Variants in LEUTX observed in about 807,000 individuals in gnomAD.
LEUTX encodes the protein paired-like homeodomain transcription factor LEUTX.
A neutral mutation model predicts 4.5 loss-of-function variants in LEUTX; 5 were observed. That is an observed-to-expected ratio of 1.11 (90% CI 0.58 to 2.34). The LOEUF is 2.34. LEUTX is among the 30% of genes most tolerant of loss of function. The pLI is 0.01. For missense variants in LEUTX, 233 were observed against 239.4 expected (o/e 0.97, Z 0.18); for synonymous variants, 89 against 85.1 (o/e 1.05, Z -0.25).
chr19:39,778,663 CTTTT>C (rs34540141), upstream of LEUTX, among the ~76,000 whole-genome samples: 2 of 119,662 alleles, frequency 1.7e-5, no homozygotes, highest in African/African-American at 3.3e-5. Flanking sequence ...AAGGATCAGT[CTTTT>C]TTTTTTTTTT....
chr19:39,776,624 G>T (rs148289253), upstream of LEUTX: 11 of 456,154 alleles, frequency 2.4e-5, no homozygotes, highest in Admixed American at 2.6e-4. Flanking sequence ...TCATGCCTCC[G>T]TGGAACCTGC....
chr19:39,780,340 C>T (rs1253019976), intron 1 of LEUTX, among the ~76,000 whole-genome samples: 1 of 152,126 alleles, frequency 6.6e-6, no homozygotes, highest in Non-Finnish European at 1.5e-5. Context: ...ATTCTAATTA[C>T]CATTCCTTTG....
chr19:39,782,893 T>A (rs1967907835), intron 1 of LEUTX, among the ~76,000 whole-genome samples: 1 of 152,172 alleles, frequency 6.6e-6, no homozygotes. Flanking sequence ...TTTTTTGTAT[T>A]TTCGTAGGCT....
chr19:39,777,630 T>G (rs182042756), upstream of LEUTX, among the ~76,000 whole-genome samples: 1 of 152,186 alleles, frequency 6.6e-6, no homozygotes, highest in Admixed American at 6.5e-5. Context: ...TACCCTTGAC[T>G]GTGTTAGAAG....
At chr19:39,776,519 G>C, upstream of LEUTX, 1 of 441,192 alleles carries the variant, frequency 2.3e-6, no homozygotes, top group Non-Finnish European at 4.5e-6. Context: ...CCTTTGATGA[G>C]AAAGTAGGGA....
chr19:39,779,515 T>C (rs1276234337), intron 1 of LEUTX, among the ~76,000 whole-genome samples: 1 of 152,196 alleles, frequency 6.6e-6, no homozygotes, highest in Non-Finnish European at 1.5e-5. Flanking sequence ...AGTATGTTTT[T>C]TTTCTTGAGG....
At chr19:39,783,352 CATAT>C (rs200989568) in intron 1 of LEUTX, among the ~76,000 whole-genome samples, 2 of 107,756 alleles carry the variant, frequency 1.9e-5, no homozygotes, top group Non-Finnish European at 4.0e-5. Context: ...TATATATATA[CATAT>C]ATATATATAC....
upstream of LEUTX, among the ~76,000 whole-genome samples, chr19:39,778,406 G>A (rs73546613): frequency 0.018 from 2,691 of 152,062 alleles, 82 homozygotes; most frequent in African/African-American, 0.059. Flanking sequence ...CGAGATGGGC[G>A]GGTGAAGGGC....
At chr19:39,777,764 T>C (rs57108611), upstream of LEUTX, among the ~76,000 whole-genome samples, 2,685 of 152,262 alleles carry the variant, frequency 0.018, 82 homozygotes, top group African/African-American at 0.059. Context: ...CAGTGAGCTA[T>C]GATGGCACCA....
chr19:39,785,674 ACCTCCCC>A lies in LEUTX; in HGVS notation c.160-18_160-12del. On this transcript the variant is annotated splice_polypyrimidine_tract_variant and intron_variant, in intron 2 of 2. Transcript: ENST00000638280. ...CCTTTATACTCAACATCCATTATTA[ACCTCCCC>A]CCTCCTCCCTCCTTAGATCTGGTTC... is the stretch of plus-strand genomic sequence containing the variant. 6.5e-7 allele frequency: 1 copy of A among 1,537,652 alleles called. No individual in the cohort carries two copies. Among genetic ancestry groups the A allele is most frequent in the Non-Finnish European group, 8.8e-7 (1 of 1,138,868 alleles).
Position 39,784,592 on chromosome 19 carries a change from G to A in LEUTX, c.73G>A (p.Glu25Lys). 1 of 1,541,838 alleles carries A rather than the reference G, an allele frequency of 6.5e-7. No homozygotes were observed. Among genetic ancestry groups the A allele is most frequent in the Non-Finnish European group, 8.8e-7 (1 of 1,138,102 alleles). Residue 25 changes from glutamate (E) to lysine (K), a missense_variant, in exon 2 of 3, where the codon GAA becomes AAA. Glu to Lys is a moderately conservative substitution (Grantham distance 56). Coordinates refer to ENST00000638280, the MANE Select transcript of LEUTX (RefSeq NM_001382345.1). ...CTCCAAACAACTCACAGCATTGAGAGAATTGCTTGAAAAGACCATGCACCC... is the reference window on the plus strand; with the variant it reads ...CTCCAAACAACTCACAGCATTGAGAAAATTGCTTGAAAAGACCATGCACCC... The part of the protein sequence containing the change: ...FLSKQLTALR[E>K]LLEKTMHPSL...
In LEUTX at chr19:39,785,986, G is replaced by T; in HGVS notation, c.448G>T (p.Ala150Ser). 1 of 1,551,736 alleles carries T rather than the reference G, an allele frequency of 6.4e-7. No homozygotes were observed. Among genetic ancestry groups the T allele is most frequent in the East Asian group, 2.4e-5 (1 of 40,930 alleles). ...SYDIEQICLG[A>S]SNPPWASTLF... ...TGACATTGAACAGATATGTCTGGGG[G>T]CTTCAAATCCTCCTTGGGCCTCCAC... Residue 150 changes from alanine (A) to serine (S), a missense_variant, in exon 3 of 3, where the codon GCT becomes TCT. Ala to Ser is a moderately conservative substitution (Grantham distance 99, BLOSUM62 1). Coordinates refer to ENST00000638280, the MANE Select transcript of LEUTX (RefSeq NM_001382345.1).
chr19:39,779,695 A>G (rs997655500), intron 1 of LEUTX, among the ~76,000 whole-genome samples: 1 of 152,202 alleles, frequency 6.6e-6, no homozygotes, highest in East Asian at 1.9e-4. Flanking sequence ...TCCTTTTATA[A>G]TTGTACTTGT....
chr19:39,778,084 C>A (rs947648611), upstream of LEUTX, among the ~76,000 whole-genome samples: 4 of 150,502 alleles, frequency 2.7e-5, no homozygotes, highest in African/African-American at 1.0e-4. Flanking sequence ...GTGAATTACA[C>A]TCACCCCACA....
chr19:39,783,595 G>A (rs1043148306), intron 1 of LEUTX, among the ~76,000 whole-genome samples: 5 of 151,896 alleles, frequency 3.3e-5, no homozygotes, highest in African/African-American at 7.3e-5. Context: ...TTCCATAGTG[G>A]CTGTACTAGT....
At chr19:39,779,831 T>A (rs185834048) in intron 1 of LEUTX, among the ~76,000 whole-genome samples, 20 of 152,218 alleles carry the variant, frequency 1.3e-4, no homozygotes, top group Admixed American at 3.9e-4. Flanking sequence ...CTGGACAACA[T>A]GGCAAAACCC....
At position 39,786,257 on chromosome 19, in the gene LEUTX, T is replaced by C; in HGVS notation, c.*122T>C. On this transcript the variant is annotated 3_prime_UTR_variant, in exon 3 of 3. Coordinates refer to ENST00000638280, the MANE Select transcript of LEUTX (RefSeq NM_001382345.1). ...GGGGCTGGGAATTTATCTTTTTCTG[T>C]AGAAAAAACAATAAAGGAACTCCCC... The C allele has an allele frequency of 1.3e-6, 1 of 749,538 alleles. No homozygotes were observed. Among genetic ancestry groups the C allele is most frequent in the Non-Finnish European group, 2.0e-6 (1 of 496,400 alleles). The allele number at this position is 749,538 out of a possible 1,614,324, so 46.4% of individuals were successfully genotyped here. A position where few individuals can be genotyped will look rare whatever the true frequency, so the allele number is the denominator to read the frequency against.
At chr19:39,776,536 C>G (rs1054738080), upstream of LEUTX, 11 of 449,610 alleles carry the variant, frequency 2.4e-5, no homozygotes, top group Admixed American at 2.4e-4. Flanking sequence ...GGGAATGAGG[C>G]CTCTGAAAGT....
intron 1 of LEUTX, among the ~76,000 whole-genome samples, chr19:39,783,071 A>G (rs1003253975): frequency 1.3e-5 from 2 of 151,260 alleles, no homozygotes; most frequent in African/African-American, 2.4e-5. Context: ...CCATTGTGTC[A>G]TTCTTATGCC....
Sources: gnomAD v4.1 joint callset for allele counts (sites outside exome capture counted in the v4.1 genomes callset) on GRCh38, gnomAD v4.1.1 for gene constraint, MANE v1.5 for transcripts, NCBI Gene and HGNC (gene_info 2026-07-23, HGNC 2026-07-21) for gene names.